AUH: variants seen among roughly 807,000 people sequenced by gnomAD.
AUH encodes the protein AU RNA binding methylglutaconyl-CoA hydratase.
A neutral mutation model predicts 42.3 loss-of-function variants in AUH; 29 were observed. The ratio of observed to expected loss-of-function variants is 0.69; its 90% CI spans 0.51 to 0.93. The LOEUF (loss-of-function observed/expected upper bound fraction) is 0.93, where lower values mean the gene tolerates loss of function less well. Ranked by LOEUF, AUH falls within the 40% of genes least tolerant of loss-of-function variation. The probability of loss-of-function intolerance (pLI) is 0.00; values close to 1 mark genes in which losing one functional copy is unlikely to be tolerated. For synonymous variants in AUH, 174 were observed against 166.4 expected (o/e 1.05, Z -0.35); for missense variants, 452 against 438.1 (o/e 1.03, Z -0.28).
rs894659212 is a variant in AUH at position 91,236,211 on chromosome 9, A to C, written c.656-15219T>G. Among the ~76,000 whole-genome samples, 12 of 115,202 alleles carry C rather than the reference A, an allele frequency of 1.0e-4. No individual in the cohort carries two copies. In the Admixed American group the frequency reaches 1.4e-3, roughly 14 times the overall value. 75.6% of individuals were successfully genotyped at this position (115,202 alleles called of 152,430 possible). On this transcript the variant is annotated intron_variant, in intron 6 of 9. Transcript: ENST00000375731. ...TGTGATCAGGAGATGAGTTAGCATG[A>C]TTATTTTTTCCATCCCTAGCAATTT... is the stretch of plus-strand genomic sequence containing the variant.
chr9:91,272,235 G>C (rs1239505542), intron 6 of AUH, among the ~76,000 whole-genome samples: 1 of 152,160 alleles, frequency 6.6e-6, no homozygotes, highest in Non-Finnish European at 1.5e-5. Flanking sequence ...TTATAGTAAA[G>C]TATTTAAAAT....
intron 6 of AUH, among the ~76,000 whole-genome samples, chr9:91,225,174 C>G (rs1054202923): frequency 6.6e-6 from 1 of 152,178 alleles, no homozygotes; most frequent in African/African-American, 2.4e-5. Context: ...TGCAGAAAAA[C>G]ATCCCAATCC....
chr9:91,316,729 C>T (rs781603017), intron 4 of AUH, among the ~76,000 whole-genome samples: 6 of 152,204 alleles, frequency 3.9e-5, no homozygotes, highest in Non-Finnish European at 5.9e-5. Context: ...CAAGGCTGTA[C>T]ATATGTATGC....
At chr9:91,333,136 C>T (rs1372529642) in intron 3 of AUH, among the ~76,000 whole-genome samples, 1 of 152,190 alleles carries the variant, frequency 6.6e-6, no homozygotes, top group Non-Finnish European at 1.5e-5. Context: ...ACCTCCCATC[C>T]TGTCATGGCT....
chr9:91,294,205 A>AG (rs1466295158), intron 6 of AUH, among the ~76,000 whole-genome samples: 3 of 152,234 alleles, frequency 2.0e-5, no homozygotes, highest in Non-Finnish European at 4.4e-5. Context: ...ATAACATAAC[A>AG]GCCATTCCAC....
At chr9:91,337,613 T>C (rs778315323) in intron 3 of AUH, among the ~76,000 whole-genome samples, 3 of 152,178 alleles carry the variant, frequency 2.0e-5, no homozygotes, top group Non-Finnish European at 2.9e-5. Context: ...CACCAACCCA[T>C]ATATAAAGCT....
intron 6 of AUH, among the ~76,000 whole-genome samples, chr9:91,222,165 A>C (rs886853274): frequency 6.6e-6 from 1 of 152,154 alleles, no homozygotes; most frequent in African/African-American, 2.4e-5. Context: ...TAAAAAAAAA[A>C]CCAATTTACC....
Position 91,348,624 on chromosome 9 carries a change from T to C in AUH, c.418+7259A>G, listed in dbSNP as rs146012259. Among the ~76,000 whole-genome samples the C allele has an allele frequency of 5.9e-4, 90 of 152,260 alleles. 1 individual carries two copies. The highest frequency in any genetic ancestry group is 2.0e-3 in the African/African-American group (85 of 41,544). Reference sequence around the variant, plus strand: ...ATGAATATGGATGAAGCTCAAACCATTATGTTAAATGAAAGAGGTCAGACA... The same window carrying C: ...ATGAATATGGATGAAGCTCAAACCACTATGTTAAATGAAAGAGGTCAGACA... On this transcript the variant is annotated intron_variant, in intron 3 of 9. Coordinates refer to ENST00000375731, the MANE Select transcript of AUH (RefSeq NM_001698.3).
chr9:91,249,774 A>C lies in AUH; in HGVS notation c.656-28782T>G, dbSNP rs541408263. Reference sequence around the variant, plus strand: ...CACCTATAATCCCAGTACTTGCAGAAGCTGAGGCAGGCAGATCACAAGGTC... The same window carrying C: ...CACCTATAATCCCAGTACTTGCAGACGCTGAGGCAGGCAGATCACAAGGTC... On this transcript the variant is annotated intron_variant, in intron 6 of 9. Transcript: ENST00000375731. Among the ~76,000 whole-genome samples, 14 of 152,190 alleles carry C rather than the reference A, an allele frequency of 9.2e-5. No individual in the cohort carries two copies. The East Asian group carries it at 2.7e-3, about 30-fold the overall frequency.
chr9:91,278,339 T>C (rs1825708155), intron 6 of AUH, among the ~76,000 whole-genome samples: 2 of 152,264 alleles, frequency 1.3e-5, no homozygotes, highest in South Asian at 4.1e-4. Flanking sequence ...AAGTCAATTT[T>C]ACATACGTAG....
chr9:91,223,135 G>A (rs1035090313), intron 6 of AUH, among the ~76,000 whole-genome samples: 6 of 152,186 alleles, frequency 3.9e-5, no homozygotes, highest in Admixed American at 3.3e-4. Context: ...GCGGGCCTGC[G>A]GTGGAGGCTA....
chr9:91,237,463 AAAT>A (rs1161603332), intron 6 of AUH, among the ~76,000 whole-genome samples: 2 of 152,258 alleles, frequency 1.3e-5, no homozygotes, highest in African/African-American at 2.4e-5. Context: ...TGTGATCTGT[AAAT>A]AATATTAAAA....
At chr9:91,326,411 A>C (rs137996494) in intron 3 of AUH, among the ~76,000 whole-genome samples, 3,603 of 152,316 alleles carry the variant, frequency 0.024, 49 homozygotes, top group Non-Finnish European at 0.037. Flanking sequence ...GGGAGCATAC[A>C]AAGACTAGCA....
At chr9:91,316,871 C>G (rs1480758355) in intron 4 of AUH, among the ~76,000 whole-genome samples, 1 of 152,076 alleles carries the variant, frequency 6.6e-6, no homozygotes, top group African/African-American at 2.4e-5. Flanking sequence ...AATTGATGTT[C>G]TTAAGTTTAA....
chr9:91,218,236 C>T (rs888898579), intron 7 of AUH, among the ~76,000 whole-genome samples: 1 of 152,162 alleles, frequency 6.6e-6, no homozygotes, highest in Non-Finnish European at 1.5e-5. Flanking sequence ...TCTAAATTTT[C>T]TTCCAAATCA....
In AUH at chr9:91,361,918, C is replaced by T. The variant is rs928671433; in HGVS notation, c.-29G>A. 7.4e-7 allele frequency: 1 copy of T among 1,350,082 alleles called. No individual in the cohort carries two copies. Among genetic ancestry groups the T allele is most frequent in the Admixed American group, 3.5e-5 (1 of 28,844 alleles). 83.6% of individuals were successfully genotyped at this position (1,350,082 alleles called of 1,614,324 possible). ...GTCTGTTTACGGCGTGGACCTGCGA[C>T]GGCCGCTCCGCCCCCGCCCGGCGCC... is the stretch of plus-strand genomic sequence containing the variant. On this transcript the variant is annotated 5_prime_UTR_variant, in exon 1 of 10. Transcript: ENST00000375731.
intron 6 of AUH, among the ~76,000 whole-genome samples, chr9:91,254,804 A>C (rs1483226022): frequency 6.6e-6 from 1 of 152,224 alleles, no homozygotes; most frequent in African/African-American, 2.4e-5. Flanking sequence ...CCTAAATGGC[A>C]GAATGGGACA....
intron 1 of AUH, among the ~76,000 whole-genome samples, chr9:91,358,078 T>C (rs958668196): frequency 1.3e-5 from 2 of 152,144 alleles, no homozygotes; most frequent in African/African-American, 4.8e-5. Context: ...TTGGTGGTGG[T>C]AAAAATAAAG....
At position 91,273,987 on chromosome 9, in the gene AUH, C is replaced by A. The variant is rs150677474; in HGVS notation, c.655+22034G>T. Among the ~76,000 whole-genome samples the A allele has an allele frequency of 1.3e-4, 20 of 152,220 alleles. No homozygotes were observed. The East Asian group carries it at 3.9e-3, about 29-fold the overall frequency. On this transcript the variant is annotated intron_variant, in intron 6 of 9. Coordinates refer to ENST00000375731, the MANE Select transcript of AUH (RefSeq NM_001698.3). ...AGAAAGACAATCTGTTCTTTTGAGT[C>A]TAAGGATTAAAAATAACGGGCACAC...
Sources: gnomAD v4.1 joint callset for allele counts (sites outside exome capture counted in the v4.1 genomes callset) on GRCh38, gnomAD v4.1.1 for gene constraint, MANE v1.5 for transcripts, NCBI Gene and HGNC (gene_info 2026-07-23, HGNC 2026-07-21) for gene names.